The following CACNA1E variants were observed in gnomAD, a reference collection of about 807,000 sequenced individuals.
CACNA1E encodes calcium voltage-gated channel subunit alpha1 E.
CACNA1E carries 40 observed loss-of-function variants against 259.2 expected under a neutral mutation model. The observed-to-expected ratio is 0.15, with a 90% confidence interval of 0.12 to 0.20. The LOEUF is 0.20. Ranked by LOEUF, CACNA1E falls within the 10% of genes least tolerant of loss-of-function variation. The pLI, the probability that CACNA1E is intolerant of heterozygous loss-of-function variation, is 1.00. For missense variants in CACNA1E, 1,874 were observed against 3,040.1 expected (o/e 0.62, Z 9.02); for synonymous variants, 1,104 against 1,138.5 (o/e 0.97, Z 0.61).
intron 38 of CACNA1E, among the ~76,000 whole-genome samples, chr1:181,777,690 A>G (rs1263737473): frequency 6.6e-6 from 1 of 152,222 alleles, no homozygotes; most frequent in East Asian, 1.9e-4. Context: ...GGTGATCGTG[A>G]TACCTACATA....
chr1:181,755,573 C>T (rs891981988), intron 28 of CACNA1E, among the ~76,000 whole-genome samples, 176 bp downstream of exon 28: 8 of 152,188 alleles, frequency 5.3e-5, no homozygotes, highest in Non-Finnish European at 8.8e-5. Flanking sequence ...TTGTGTCAGA[C>T]ACGAAAACTT....
At chr1:181,379,676 G>A (rs1319833342) in intron 1 of CACNA1E, among the ~76,000 whole-genome samples, 2 of 151,916 alleles carry the variant, frequency 1.3e-5, no homozygotes, top group African/African-American at 2.4e-5. Context: ...TTTATAAGAG[G>A]GCTAATCCCA....
intron 6 of CACNA1E, among the ~76,000 whole-genome samples, chr1:181,625,334 T>A (rs1359658454): frequency 6.6e-6 from 1 of 152,184 alleles, no homozygotes; most frequent in Non-Finnish European, 1.5e-5. Context: ...CTTACGATTT[T>A]CTCGTCTCTA....
At chr1:181,738,478 T>A in intron 24 of CACNA1E, 52 bp downstream of exon 24, 2 of 1,417,500 alleles carry the variant, frequency 1.4e-6, no homozygotes, top group Non-Finnish European at 2.0e-6. Context: ...GGGTCACCTG[T>A]CTGCTCCTTA....
intron 3 of CACNA1E, among the ~76,000 whole-genome samples, chr1:181,576,665 A>G (rs977289241): frequency 6.6e-6 from 1 of 152,184 alleles, no homozygotes; most frequent in Non-Finnish European, 1.5e-5. Context: ...TCATTTCCTG[A>G]TGGTTCTGAG....
intron 7 of CACNA1E, among the ~76,000 whole-genome samples, chr1:181,677,495 G>T (rs762972244): frequency 6.6e-5 from 10 of 152,118 alleles, no homozygotes; most frequent in Non-Finnish European, 1.2e-4. Context: ...TTATATCGCA[G>T]GTCAGTTGGA....
At chr1:181,635,902 G>A (rs375868430) in intron 6 of CACNA1E, among the ~76,000 whole-genome samples, 1 of 152,076 alleles carries the variant, frequency 6.6e-6, no homozygotes, top group African/African-American at 2.4e-5. Context: ...ATAAAACCTT[G>A]CCCTCTAAGA....
At chr1:181,536,733 A>G (rs978222903) in intron 3 of CACNA1E, among the ~76,000 whole-genome samples, 1 of 152,198 alleles carries the variant, frequency 6.6e-6, no homozygotes, top group Non-Finnish European at 1.5e-5. Context: ...CTGCTGCTGG[A>G]TGGGTCACTT....
chr1:181,413,124 C>T (rs2102148731), intron 1 of CACNA1E: 1 of 153,166 alleles, frequency 6.5e-6, no homozygotes, highest in South Asian at 2.1e-4. Context: ...TGCCCTCTCC[C>T]TCCCACAGAG....
intron 25 of CACNA1E, among the ~76,000 whole-genome samples, chr1:181,746,244 G>C (rs1034793428): frequency 6.6e-6 from 1 of 152,220 alleles, no homozygotes; most frequent in East Asian, 1.9e-4. Context: ...GCAGATCCTA[G>C]AGAGACAGGC....
At chr1:181,766,301 G>A (rs1450176236) in intron 34 of CACNA1E, among the ~76,000 whole-genome samples, 1 of 152,194 alleles carries the variant, frequency 6.6e-6, no homozygotes. Context: ...TTATGGGTGA[G>A]TGAATCTCCC....
intron 1 of CACNA1E, among the ~76,000 whole-genome samples, chr1:181,350,973 A>G (rs932279875): frequency 6.6e-6 from 1 of 152,220 alleles, no homozygotes; most frequent in Admixed American, 6.5e-5. Flanking sequence ...AATAAGTAAA[A>G]CAATGATAAA....
intron 35 of CACNA1E, among the ~76,000 whole-genome samples, chr1:181,767,914 G>C (rs950747319): frequency 1.3e-5 from 2 of 152,170 alleles, no homozygotes; most frequent in Non-Finnish European, 2.9e-5. Context: ...CCAAATGAAA[G>C]CTTGATTTAA....
At chr1:181,796,487 A>G (rs1661814853) in intron 46 of CACNA1E, among the ~76,000 whole-genome samples, 181 bp from the exon 47 acceptor site, 1 of 152,074 alleles carries the variant, frequency 6.6e-6, no homozygotes, top group African/African-American at 2.4e-5. Flanking sequence ...CCTGCCTCCT[A>G]ATACCATACC....
chr1:181,510,238 C>CT (rs942555892), intron 1 of CACNA1E, among the ~76,000 whole-genome samples: 23 of 152,070 alleles, frequency 1.5e-4, no homozygotes, highest in African/African-American at 5.6e-4. Flanking sequence ...ATATACGTTC[C>CT]TTTTTTGGAG....
chr1:181,733,824 C>A, intron 21 of CACNA1E, 74 bp downstream of exon 21: 3 of 1,165,088 alleles, frequency 2.6e-6, no homozygotes, highest in Admixed American at 3.3e-5. Flanking sequence ...GACAATAAAG[C>A]CACATGGAAA....
At chr1:181,694,353 G>T (rs1412328481) in intron 7 of CACNA1E, among the ~76,000 whole-genome samples, 1 of 152,192 alleles carries the variant, frequency 6.6e-6, no homozygotes, top group Non-Finnish European at 1.5e-5. Flanking sequence ...AACTTTCTCA[G>T]TCTGATGAAA....
intron 3 of CACNA1E, among the ~76,000 whole-genome samples, chr1:181,520,655 G>A (rs899744883): frequency 2.6e-5 from 4 of 151,944 alleles, no homozygotes; most frequent in Admixed American, 6.5e-5. Flanking sequence ...ACTACATATC[G>A]CACATAGGAT....
chr1:181,746,396 C>A (rs1443759602), intron 25 of CACNA1E, among the ~76,000 whole-genome samples: 1 of 152,210 alleles, frequency 6.6e-6, no homozygotes, highest in African/African-American at 2.4e-5. Context: ...TAGTCTGACT[C>A]ATTTGACTAG....
Sources: gnomAD v4.1 joint callset for allele counts (sites outside exome capture counted in the v4.1 genomes callset) on GRCh38, gnomAD v4.1.1 for gene constraint, MANE v1.5 for transcripts, NCBI Gene and HGNC (gene_info 2026-07-23, HGNC 2026-07-21) for gene names.